Variants in ESR1 observed in about 807,000 individuals in gnomAD.
ESR1 encodes the protein estrogen receptor 1.
Under a neutral mutation model 52.7 loss-of-function variants are expected in ESR1, and 12 were observed. The ratio of observed to expected loss-of-function variants is 0.23; its 90% CI spans 0.15 to 0.37. The LOEUF is 0.37. Ranked by LOEUF, ESR1 falls within the 10% of genes least tolerant of loss-of-function variation. ESR1 has a pLI of 1.00. For synonymous variants in ESR1, 305 were observed against 316.8 expected, an observed-to-expected ratio of 0.96 and a Z score of 0.39; for missense variants, 584 against 779.7, an observed-to-expected ratio of 0.75 and a Z score of 2.99.
At chr6:151,777,586 T>C (rs1387867563) in intron 2 of ESR1, among the ~76,000 whole-genome samples, 2 of 152,124 alleles carry the variant, frequency 1.3e-5, no homozygotes, top group Non-Finnish European at 2.9e-5. Flanking sequence ...AGAAGGGTCA[T>C]GTGGGGACTG....
At chr6:151,839,392 T>G (rs949038027) in intron 1 of ESR1, among the ~76,000 whole-genome samples, 2 of 152,164 alleles carry the variant, frequency 1.3e-5, no homozygotes, top group African/African-American at 4.8e-5. Context: ...GCCTTGTTCA[T>G]GAGAATGTAA....
chr6:151,656,936 T>A (rs1290656601), intron 1 of ESR1, among the ~76,000 whole-genome samples: 1 of 152,158 alleles, frequency 6.6e-6, no homozygotes, highest in Non-Finnish European at 1.5e-5. Context: ...GTGGGATATA[T>A]ATGGGCACAA....
chr6:151,688,202 C>T (rs1292568149), upstream of ESR1, among the ~76,000 whole-genome samples: 1 of 152,188 alleles, frequency 6.6e-6, no homozygotes, highest in Admixed American at 6.5e-5. Flanking sequence ...TGATTCATAA[C>T]AACCTTTCTG....
At chr6:152,009,884 T>C (rs1383277131) in intron 4 of ESR1, among the ~76,000 whole-genome samples, 1 of 152,158 alleles carries the variant, frequency 6.6e-6, no homozygotes, top group African/African-American at 2.4e-5. Flanking sequence ...ATCCATGCAA[T>C]GGAATACCAC....
chr6:151,668,432 G>A (rs1309699603), intron 1 of ESR1, among the ~76,000 whole-genome samples: 1 of 151,926 alleles, frequency 6.6e-6, no homozygotes, highest in African/African-American at 2.4e-5. Context: ...GTGCCCGCCC[G>A]CCACCATGCC....
At chr6:151,714,449 C>T (rs746386707) in intron 2 of ESR1, among the ~76,000 whole-genome samples, 4 of 152,032 alleles carry the variant, frequency 2.6e-5, no homozygotes, top group Admixed American at 6.6e-5. Context: ...TAAAGTCTCC[C>T]GCTATTATTG....
At chr6:151,849,615 G>A (rs546463684) in intron 2 of ESR1, among the ~76,000 whole-genome samples, 1 of 151,208 alleles carries the variant, frequency 6.6e-6, no homozygotes, top group East Asian at 2.0e-4. Context: ...CTGCACTCCA[G>A]CCTGGGCGAC....
At chr6:152,015,656 T>G (rs1467721614) in intron 5 of ESR1, among the ~76,000 whole-genome samples, 1 of 152,232 alleles carries the variant, frequency 6.6e-6, no homozygotes, top group Non-Finnish European at 1.5e-5. Flanking sequence ...TCATGGCAGC[T>G]GTTATTCCCA....
rs913323229 is a variant in ESR1 at position 152,074,655 on chromosome 6, G to A, written c.1369+13531G>A. 9.9e-5 allele frequency among the ~76,000 whole-genome samples: 15 copies of A among 152,264 alleles called. No homozygotes were observed. The South Asian group carries it at 3.1e-3, about 32-fold the overall frequency. On this transcript the variant is annotated intron_variant, in intron 6 of 7. Transcript: ENST00000206249. ...TTGTATAGTATGTTTAGTTTTGAAGGAAACTGCCAAACCATCTTCCCAAGT... is the reference window on the plus strand; with the variant it reads ...TTGTATAGTATGTTTAGTTTTGAAGAAAACTGCCAAACCATCTTCCCAAGT...
At chr6:151,845,586 C>A in intron 2 of ESR1, among the ~76,000 whole-genome samples, 1 of 152,034 alleles carries the variant, frequency 6.6e-6, no homozygotes, top group Middle Eastern at 3.2e-3. Context: ...AACAAAACAA[C>A]ACCACCACCA....
At chr6:151,768,282 C>A (rs1027962561) in intron 2 of ESR1, among the ~76,000 whole-genome samples, 8 of 152,140 alleles carry the variant, frequency 5.3e-5, no homozygotes, top group African/African-American at 1.9e-4. Context: ...AAAGGAGAAA[C>A]AACCTCATTC....
At chr6:152,107,679 T>C (rs1290339874), downstream of ESR1, among the ~76,000 whole-genome samples, 1 of 152,234 alleles carries the variant, frequency 6.6e-6, no homozygotes, top group Non-Finnish European at 1.5e-5. Flanking sequence ...CTAATTTTTA[T>C]TGAAAACTGA....
At chr6:151,846,649 G>T (rs1187933866) in intron 2 of ESR1, among the ~76,000 whole-genome samples, 2 of 152,212 alleles carry the variant, frequency 1.3e-5, no homozygotes, top group Non-Finnish European at 2.9e-5. Flanking sequence ...TGGCTTGAAA[G>T]CATACAAATT....
intron 5 of ESR1, among the ~76,000 whole-genome samples, chr6:152,056,453 C>T (rs538737485): frequency 2.0e-5 from 3 of 152,096 alleles, no homozygotes; most frequent in Non-Finnish European, 4.4e-5. Context: ...AATGGGTAAC[C>T]TTACATTTTG....
At chr6:152,005,590 A>T (rs985215008) in intron 4 of ESR1, among the ~76,000 whole-genome samples, 1 of 152,034 alleles carries the variant, frequency 6.6e-6, no homozygotes, top group African/African-American at 2.4e-5. Context: ...GAGAGAATAG[A>T]ACTAATATTT....
intron 5 of ESR1, among the ~76,000 whole-genome samples, chr6:152,027,217 A>C (rs2044227259): frequency 6.6e-6 from 1 of 152,102 alleles, no homozygotes; most frequent in African/African-American, 2.4e-5. Context: ...CCACCCCATC[A>C]GTCTCCCACA....
chr6:151,978,684 A>G (rs1018109618), intron 4 of ESR1, among the ~76,000 whole-genome samples: 1 of 152,172 alleles, frequency 6.6e-6, no homozygotes, highest in East Asian at 1.9e-4. Flanking sequence ...CTCAATGCCA[A>G]CTGAAAATGA....
intron 5 of ESR1, among the ~76,000 whole-genome samples, chr6:152,044,228 A>G (rs549367843): frequency 7.2e-5 from 11 of 152,202 alleles, no homozygotes; most frequent in Non-Finnish European, 1.3e-4. Context: ...TACACAGTTC[A>G]CAGCAAGGAC....
At chr6:151,755,127 T>C (rs1182356394) in intron 2 of ESR1, among the ~76,000 whole-genome samples, 10 of 151,938 alleles carry the variant, frequency 6.6e-5, no homozygotes, top group Admixed American at 6.5e-5. Flanking sequence ...GGAGGATTGC[T>C]TGAGCCTGAG....
Sources: gnomAD v4.1 joint callset for allele counts (sites outside exome capture counted in the v4.1 genomes callset) on GRCh38, gnomAD v4.1.1 for gene constraint, MANE v1.5 for transcripts, NCBI Gene and HGNC (gene_info 2026-07-23, HGNC 2026-07-21) for gene names.